AGTPBP1: variants seen among roughly 807,000 people sequenced by gnomAD.
AGTPBP1 encodes the protein cytosolic carboxypeptidase 1.
Under a neutral mutation model 143.9 loss-of-function variants are expected in AGTPBP1, and 70 were observed. The ratio of observed to expected loss-of-function variants is 0.49; its 90% CI spans 0.40 to 0.59. The LOEUF (loss-of-function observed/expected upper bound fraction) is 0.59, where lower values mean the gene tolerates loss of function less well. Ranked by LOEUF, AGTPBP1 falls within the 20% of genes least tolerant of loss-of-function variation. AGTPBP1 has a pLI of 0.00. For missense variants in AGTPBP1, 1,229 were observed against 1,464.5 expected (o/e 0.84, Z 2.62); for synonymous variants, 463 against 500.2 (o/e 0.93, Z 0.99).
the AGTPBP1 span, among the ~76,000 whole-genome samples, chr9:85,796,264 A>G: frequency 6.6e-6 from 1 of 152,340 alleles, no homozygotes; most frequent in African/African-American, 2.4e-5. Context: ...GAGTGATAGC[A>G]GCCCTAGTAC....
intron 14 of AGTPBP1, among the ~76,000 whole-genome samples, chr9:85,624,839 T>A (rs1363169733): frequency 6.6e-6 from 1 of 152,246 alleles, no homozygotes; most frequent in East Asian, 1.9e-4. Flanking sequence ...AGATTTTACT[T>A]GATGAAAACA....
At chr9:85,751,458 C>T in the AGTPBP1 span, among the ~76,000 whole-genome samples, 1 of 152,166 alleles carries the variant, frequency 6.6e-6, no homozygotes, top group Non-Finnish European at 1.5e-5. Context: ...AAAAGTATCT[C>T]AGCACTTTCA....
At chr9:85,675,194 C>T (rs935805101) in intron 6 of AGTPBP1, among the ~76,000 whole-genome samples, 2 of 151,984 alleles carry the variant, frequency 1.3e-5, no homozygotes, top group African/African-American at 4.8e-5. Flanking sequence ...CCGTACCCGG[C>T]CAAAGGCAAA....
the AGTPBP1 span, chr9:85,786,487 A>G: frequency 6.2e-7 from 1 of 1,613,704 alleles, no homozygotes; most frequent in African/African-American, 1.3e-5. Context: ...CCTTGGAACT[A>G]TCATTGCGAC....
chr9:85,692,233 T>A (rs1163766020), intron 3 of AGTPBP1, among the ~76,000 whole-genome samples: 1 of 152,084 alleles, frequency 6.6e-6, no homozygotes, highest in African/African-American at 2.4e-5. Context: ...TCCTCCAAAG[T>A]TATTCAGTTT....
intron 2 of AGTPBP1, among the ~76,000 whole-genome samples, chr9:85,699,908 T>C (rs1428737269): frequency 6.6e-6 from 1 of 152,202 alleles, no homozygotes; most frequent in Non-Finnish European, 1.5e-5. Context: ...ATCCATTACA[T>C]AACATTTTTA....
Position 85,725,811 on chromosome 9 carries a change from C to T in AGTPBP1, c.-33-13245G>A, listed in dbSNP as rs186300329. On this transcript the variant is annotated intron_variant, in intron 1 of 25. Coordinates refer to ENST00000357081, the MANE Select transcript of AGTPBP1 (RefSeq NM_001330701.2). Reference sequence around the variant, plus strand: ...TTGTATTCCTAGCACTTTGGGAGGCCAAGGCGGGCGAATCACCTGAAGTCA... The same window carrying T: ...TTGTATTCCTAGCACTTTGGGAGGCTAAGGCGGGCGAATCACCTGAAGTCA... 2.2e-3 allele frequency among the ~76,000 whole-genome samples: 339 copies of T among 151,940 alleles called. 1 individual carries two copies. Among genetic ancestry groups the T allele is most frequent in the Middle Eastern group, 3.4e-3 (1 of 290 alleles).
chr9:85,802,281 C>T, the AGTPBP1 span, among the ~76,000 whole-genome samples: 1 of 152,138 alleles, frequency 6.6e-6, no homozygotes, highest in Non-Finnish European at 1.5e-5. Flanking sequence ...AGCTTTACTT[C>T]TTACCACTTC....
At chr9:85,698,094 T>C (rs1836389706) in intron 2 of AGTPBP1, among the ~76,000 whole-genome samples, 1 of 152,160 alleles carries the variant, frequency 6.6e-6, no homozygotes, top group Non-Finnish European at 1.5e-5. Flanking sequence ...AGGTCATCTT[T>C]TTTTTTTGGC....
chr9:85,783,361 AAAC>A, the AGTPBP1 span, among the ~76,000 whole-genome samples: 2 of 152,224 alleles, frequency 1.3e-5, no homozygotes, highest in African/African-American at 4.8e-5. Context: ...AAAATGAAGA[AAAC>A]AAATCAGTTA....
the AGTPBP1 span, among the ~76,000 whole-genome samples, chr9:85,804,165 C>T: frequency 6.6e-6 from 1 of 152,034 alleles, no homozygotes; most frequent in Non-Finnish European, 1.5e-5. Context: ...ACTTCTGAAC[C>T]ATAAAAACTC....
chr9:85,565,828 A>G (rs1343314725), intron 25 of AGTPBP1, among the ~76,000 whole-genome samples: 8 of 152,332 alleles, frequency 5.3e-5, no homozygotes, highest in African/African-American at 1.9e-4. Context: ...AAATGATTCC[A>G]AACACCTTCC....
chr9:85,700,838 A>G (rs1836594198), intron 2 of AGTPBP1, among the ~76,000 whole-genome samples: 1 of 152,200 alleles, frequency 6.6e-6, no homozygotes, highest in African/African-American at 2.4e-5. Context: ...ATATTTAGCC[A>G]TTGTATTCTG....
chr9:85,710,640 C>T (rs532920830), intron 2 of AGTPBP1, among the ~76,000 whole-genome samples: 11 of 151,836 alleles, frequency 7.2e-5, no homozygotes, highest in South Asian at 2.1e-4. Flanking sequence ...TTCCTTTAGA[C>T]GAAGACTATT....
chr9:85,796,672 A>G, the AGTPBP1 span, among the ~76,000 whole-genome samples: 18 of 152,158 alleles, frequency 1.2e-4, no homozygotes, highest in Non-Finnish European at 2.4e-4. Context: ...AACCTTGGTT[A>G]TAAAGAGCTA....
At chr9:85,679,368 G>GT (rs202104885) in intron 4 of AGTPBP1, among the ~76,000 whole-genome samples, 2,799 of 150,624 alleles carry the variant, frequency 0.019, 42 homozygotes, top group Middle Eastern at 0.045. Flanking sequence ...TTTTTGAAGT[G>GT]TTTTTTTTTG....
intron 12 of AGTPBP1, among the ~76,000 whole-genome samples, chr9:85,645,016 AAG>A (rs1445557516): frequency 2.6e-5 from 4 of 152,074 alleles, no homozygotes; most frequent in Non-Finnish European, 5.9e-5. Context: ...TATAGTGATA[AAG>A]AGAGTGGACA....
Position 85,546,958 on chromosome 9 carries a change from C to A in AGTPBP1, c.*151G>T. 1 of 609,596 alleles carries A rather than the reference C, an allele frequency of 1.6e-6. No individual in the cohort carries two copies. The highest frequency in any genetic ancestry group is 2.5e-6 in the Non-Finnish European group (1 of 397,308). The allele number at this position is 609,596 out of a possible 1,614,324, so 37.8% of individuals were successfully genotyped here. On this transcript the variant is annotated 3_prime_UTR_variant, in exon 26 of 26. Coordinates refer to ENST00000357081, the MANE Select transcript of AGTPBP1 (RefSeq NM_001330701.2). Reference sequence around the variant, plus strand: ...CGCCAATTTTATCATTAATTAATAACACATTTATTATCTTGAAACCAAACT... The same window carrying A: ...CGCCAATTTTATCATTAATTAATAAAACATTTATTATCTTGAAACCAAACT...
chr9:85,777,361 C>T, the AGTPBP1 span, among the ~76,000 whole-genome samples: 48 of 152,262 alleles, frequency 3.2e-4, no homozygotes, highest in African/African-American at 1.1e-3. Context: ...CCAGGTAGCT[C>T]GCCGATCACC....
Sources: gnomAD v4.1 joint callset for allele counts (sites outside exome capture counted in the v4.1 genomes callset) on GRCh38, gnomAD v4.1.1 for gene constraint, MANE v1.5 for transcripts, NCBI Gene and HGNC (gene_info 2026-07-23, HGNC 2026-07-21) for gene names.